The following PSIP1 variants were observed in gnomAD, a reference collection of about 807,000 sequenced individuals.
PSIP1 encodes the protein PC4 and SFRS1-interacting protein.
In PSIP1, 19 loss-of-function variants were observed where a neutral mutation model predicts 74.7. The observed-to-expected ratio is 0.25, with a 90% CI of 0.18 to 0.37. PSIP1 has a LOEUF of 0.37. PSIP1 is among the 10% of genes least tolerant of loss of function. The pLI, the probability that PSIP1 is intolerant of heterozygous loss-of-function variation, is 1.00. For synonymous variants in PSIP1, 222 were observed against 195.3 expected, an observed-to-expected ratio of 1.14 and a Z score of -1.14; for missense variants, 601 against 614.3, an observed-to-expected ratio of 0.98 and a Z score of 0.23.
At chr9:15,471,221 ATGT>A in intron 10 of PSIP1, 2 of 1,605,848 alleles carry the variant, frequency 1.2e-6, no homozygotes, top group Non-Finnish European at 1.7e-6. Flanking sequence ...TGTAGATTAC[ATGT>A]TGTTTGGCTG....
intron 3 of PSIP1, among the ~76,000 whole-genome samples, chr9:15,491,523 A>G (rs2036831791): frequency 6.6e-6 from 1 of 152,228 alleles, no homozygotes; most frequent in South Asian, 2.1e-4. Flanking sequence ...GGAATCCACA[A>G]ATAACGAGCC....
At chr9:15,471,437 T>TA in intron 10 of PSIP1, 1 of 1,442,768 alleles carries the variant, frequency 6.9e-7, no homozygotes, top group Non-Finnish European at 9.2e-7. Context: ...TTTAAGATAC[T>TA]AAAGAAGGGT....
chr9:15,488,899 T>C (rs569030259), intron 4 of PSIP1, among the ~76,000 whole-genome samples: 42 of 152,152 alleles, frequency 2.8e-4, no homozygotes, highest in Middle Eastern at 3.4e-3. Flanking sequence ...CGGGCACCTG[T>C]AGTCCCAGCT....
chr9:15,503,000 T>C (rs894431031), intron 3 of PSIP1, among the ~76,000 whole-genome samples: 3 of 152,244 alleles, frequency 2.0e-5, no homozygotes, highest in Admixed American at 1.3e-4. Flanking sequence ...AGTTACGAAT[T>C]AGTACAATTT....
chr9:15,488,812 G>C (rs1407553527), intron 4 of PSIP1, among the ~76,000 whole-genome samples: 4 of 151,190 alleles, frequency 2.6e-5, no homozygotes, highest in South Asian at 2.1e-4. Flanking sequence ...ACAAGGTCAG[G>C]AGATCGAGAC....
chr9:15,486,278 T>C (rs1438716673), intron 5 of PSIP1, among the ~76,000 whole-genome samples: 1 of 152,238 alleles, frequency 6.6e-6, no homozygotes, highest in African/African-American at 2.4e-5. Context: ...TAAGTCATGG[T>C]TGCTGGTACA....
chr9:15,500,401 C>T (rs371340431), intron 3 of PSIP1, among the ~76,000 whole-genome samples: 112 of 152,094 alleles, frequency 7.4e-4, no homozygotes, highest in African/African-American at 2.5e-3. Flanking sequence ...GGAGGCAGAC[C>T]TTGCTTTGAG....
intron 7 of PSIP1, 119 bp downstream of exon 7, chr9:15,479,472 T>C: frequency 1.6e-6 from 1 of 644,678 alleles, no homozygotes. Context: ...GAAATCTGTA[T>C]GTTACACATA....
chr9:15,470,340 A>G (rs2035770421), intron 10 of PSIP1, among the ~76,000 whole-genome samples: 1 of 152,138 alleles, frequency 6.6e-6, no homozygotes, highest in Non-Finnish European at 1.5e-5. Flanking sequence ...GCTGCATCTT[A>G]AAATAGACCA....
At chr9:15,485,243 T>C (rs2036511171) in intron 6 of PSIP1, among the ~76,000 whole-genome samples, 2 of 152,174 alleles carry the variant, frequency 1.3e-5, no homozygotes, top group Admixed American at 1.3e-4. Flanking sequence ...AATACAATAC[T>C]CAAGATGCTT....
intron 6 of PSIP1, among the ~76,000 whole-genome samples, chr9:15,485,088 T>TA (rs1435914276): frequency 1.3e-5 from 2 of 152,202 alleles, no homozygotes; most frequent in South Asian, 2.1e-4. Context: ...CCCCATCTCT[T>TA]AAAAAAATTT....
intron 10 of PSIP1, chr9:15,471,212 G>C: frequency 6.2e-7 from 1 of 1,606,230 alleles, no homozygotes. Flanking sequence ...TTTTATTACT[G>C]TAGATTACAT....
chr9:15,501,845 AT>A, intron 3 of PSIP1, among the ~76,000 whole-genome samples: 1 of 134,892 alleles, frequency 7.4e-6, no homozygotes, highest in East Asian at 2.1e-4. Context: ...AACAGCATAT[AT>A]ATATATATAT....
At chr9:15,505,456 G>C (rs1216878171) in intron 3 of PSIP1, 1 of 152,118 alleles carries the variant, frequency 6.6e-6, no homozygotes, top group African/African-American at 2.4e-5. Context: ...GAATACACTT[G>C]AACCTAACTC....
In PSIP1 at chr9:15,474,157, C is replaced by A. The variant is rs916851721; in HGVS notation, c.710G>T (p.Gly237Val). 6.2e-7 allele frequency: 1 copy of A among 1,613,398 alleles called. No individual in the cohort carries two copies. The highest frequency in any genetic ancestry group is 1.3e-5 in the African/African-American group (1 of 74,854). ...PKKQPKKDEE[G>V]QKEEDKPRKE... ...TCTTGGCTTATCTTCTTCCTTCTGG[C>A]CCTCTTCATCCTTCTTAGGCTGCTT... is the stretch of plus-strand genomic sequence containing the variant. The change falls in exon 9 of 16, where the codon GGC (glycine) becomes GTC (valine). Residue 237 changes from glycine (G) to valine (V), a missense_variant. Gly to Val is a moderately radical substitution (Grantham distance 109). This residue lies in a region of PSIP1 where 538 missense variants were observed against 507.6 expected (regional missense o/e 1.06). Coordinates refer to ENST00000380733, the MANE Select transcript of PSIP1 (RefSeq NM_033222.5).
At position 15,477,406 on chromosome 9, in the gene PSIP1, C is replaced by T. The variant is rs2036137405; in HGVS notation, c.629+1071G>A. ...AAGTATATGATATATTGTTATGTGC[C>T]ACTATTTTTGAAAGTAAATACAGAC... On this transcript the variant is annotated intron_variant, in intron 8 of 15. Transcript: ENST00000380733. 4.6e-5 allele frequency among the ~76,000 whole-genome samples: 7 copies of T among 151,972 alleles called. No homozygotes were observed. In the South Asian group the frequency reaches 1.5e-3, roughly 32 times the overall value.
intron 3 of PSIP1, among the ~76,000 whole-genome samples, chr9:15,490,422 C>T (rs983429720): frequency 6.6e-6 from 1 of 152,122 alleles, no homozygotes; most frequent in Non-Finnish European, 1.5e-5. Flanking sequence ...GTGCCTTACG[C>T]CTGTAATCTC....
chr9:15,497,065 T>A (rs969802317), intron 3 of PSIP1, among the ~76,000 whole-genome samples: 2 of 152,120 alleles, frequency 1.3e-5, no homozygotes, highest in African/African-American at 4.8e-5. Flanking sequence ...AATTTTCTCC[T>A]AGAGAAATGA....
At chr9:15,490,358 T>A (rs2036767423) in intron 3 of PSIP1, among the ~76,000 whole-genome samples, 1 of 152,188 alleles carries the variant, frequency 6.6e-6, no homozygotes, top group Non-Finnish European at 1.5e-5. Context: ...ACAATGTGAA[T>A]GTACTTAACA....
Sources: allele counts gnomAD v4.1 joint callset (sites outside exome capture counted in the v4.1 genomes callset), GRCh38; gene constraint gnomAD v4.1.1; regional missense constraint gnomAD v4.1.1; transcripts MANE v1.5; gene names NCBI Gene and HGNC (gene_info 2026-07-23, HGNC 2026-07-21).